SLX9: variants seen among roughly 807,000 people sequenced by gnomAD.
SLX9 encodes the protein ribosome biogenesis protein SLX9 homolog.
In SLX9, 19 loss-of-function variants were observed where a neutral mutation model predicts 20.8. That is an observed-to-expected ratio of 0.91 (90% CI 0.64 to 1.34). The LOEUF is 1.34. Ranked by LOEUF, SLX9 falls within the 40% of genes most tolerant of loss-of-function variation. The pLI, the probability that SLX9 is intolerant of heterozygous loss-of-function variation, is 0.00. For missense variants in SLX9, 299 were observed against 322.2 expected (o/e 0.93, Z 0.55); for synonymous variants, 113 against 137.1 (o/e 0.82, Z 1.23).
At chr21:44,976,290 G>A (rs995259093) in intron 5 of SLX9, among the ~76,000 whole-genome samples, 1 of 152,166 alleles carries the variant, frequency 6.6e-6, no homozygotes, top group Non-Finnish European at 1.5e-5. Flanking sequence ...CTCGGCTCTC[G>A]GCTCTCGGCT....
intron 1 of SLX9, among the ~76,000 whole-genome samples, chr21:44,941,380 G>T (rs57332482): frequency 0.022 from 3,411 of 151,936 alleles, 118 homozygotes; most frequent in African/African-American, 0.078. Flanking sequence ...TTTGTTTATT[G>T]ATCTGGAACT....
In SLX9 at chr21:44,962,707, G is replaced by A. The variant is rs1199627331; in HGVS notation, c.352+2539G>A. Among the ~76,000 whole-genome samples, 6 of 152,190 alleles carry A rather than the reference G, an allele frequency of 3.9e-5. No individual in the cohort carries two copies. The East Asian group carries it at 1.2e-3, about 29-fold the overall frequency. ...CTGAGGAATGGAATGCTGGGTCATAGGGTAGGTGTATGTTTAGTTTTATAA... is the reference window on the plus strand; with the variant it reads ...CTGAGGAATGGAATGCTGGGTCATAAGGTAGGTGTATGTTTAGTTTTATAA... On this transcript the variant is annotated intron_variant, in intron 3 of 5. Transcript: ENST00000291634.
Position 44,973,245 on chromosome 21 carries a change from A to G in SLX9, c.549A>G (p.Ala183=). Residue 183 remains alanine, a synonymous_variant, in exon 5 of 6, where the codon GCA becomes GCG. Coordinates refer to ENST00000291634, the MANE Select transcript of SLX9 (RefSeq NM_058190.4). ...PRPSELSRMS[A]AQRQQLLEEE... ...CCTCAGAGCTCAGCCGGATGAGCGC[A>G]GCCCAGAGACAGCAGCTTCTGTGAG... 1.2e-6 allele frequency: 2 copies of G among 1,612,590 alleles called. No individual in the cohort carries two copies. Among genetic ancestry groups the G allele is most frequent in the Non-Finnish European group, 1.7e-6 (2 of 1,179,744 alleles).
rs371091838 is a variant in SLX9 at position 44,943,777 on chromosome 21, A to G, written c.223A>G (p.Thr75Ala). The change falls in exon 2 of 6, where the codon ACT becomes GCT. Residue 75 changes from threonine to alanine, a missense_variant. Thr to Ala is a moderately conservative substitution (Grantham distance 58). Transcript: ENST00000291634. ...QKLELDVRSV[T>A]SVRRGEAGSS... ...GCTGGAGCTGGACGTGAGGAGTGTC[A>G]CTTCCGTCAGGAGAGGTGAGGCAGG... is the stretch of plus-strand genomic sequence containing the variant. 4.1e-5 allele frequency: 66 copies of G among 1,614,162 alleles called. No homozygotes were observed. The African/African-American group carries it at 8.4e-4, about 21-fold the overall frequency.
intron 4 of SLX9, among the ~76,000 whole-genome samples, chr21:44,967,675 C>T (rs2085063268): frequency 6.6e-6 from 1 of 152,210 alleles, no homozygotes; most frequent in South Asian, 2.1e-4. Flanking sequence ...CTGTCCTGCC[C>T]CTCACTCTGT....
intron 2 of SLX9, among the ~76,000 whole-genome samples, chr21:44,955,618 C>A (rs1248143805): frequency 1.3e-5 from 2 of 152,138 alleles, no homozygotes; most frequent in African/African-American, 4.8e-5. Context: ...TGGGCTCACG[C>A]AATCTTCCCT....
intron 2 of SLX9, among the ~76,000 whole-genome samples, chr21:44,959,745 G>A (rs1317674033): frequency 6.6e-6 from 1 of 152,228 alleles, no homozygotes; most frequent in Non-Finnish European, 1.5e-5. Context: ...CCCTTCATGA[G>A]CCGTCGGGCA....
chr21:44,970,118 C>T (rs576457575), intron 4 of SLX9, among the ~76,000 whole-genome samples: 25 of 152,292 alleles, frequency 1.6e-4, no homozygotes, highest in African/African-American at 5.3e-4. Flanking sequence ...CCATGCTGTC[C>T]GCTTTGGGAG....
intron 3 of SLX9, among the ~76,000 whole-genome samples, chr21:44,965,043 G>C (rs1336044250): frequency 2.0e-5 from 3 of 152,162 alleles, no homozygotes; most frequent in Non-Finnish European, 2.9e-5. Flanking sequence ...TTTATAATTT[G>C]CTTTAATATC....
intron 5 of SLX9, among the ~76,000 whole-genome samples, chr21:44,975,127 C>T (rs2085238930): frequency 6.6e-6 from 1 of 152,170 alleles, no homozygotes; most frequent in South Asian, 2.1e-4. Context: ...GTCCATGGTG[C>T]TTTCTGGCGC....
At chr21:44,946,315 G>A (rs1047964287) in intron 2 of SLX9, among the ~76,000 whole-genome samples, 6 of 152,116 alleles carry the variant, frequency 3.9e-5, no homozygotes, top group African/African-American at 9.7e-5. Flanking sequence ...GGACTGTAGC[G>A]TGGCCCGTTC....
At chr21:44,966,447 G>C (rs2085037204) in intron 3 of SLX9, among the ~76,000 whole-genome samples, 2 of 152,216 alleles carry the variant, frequency 1.3e-5, no homozygotes, top group African/African-American at 4.8e-5. Flanking sequence ...TCTCTTAGCA[G>C]TTTTGAGATA....
At chr21:44,956,007 G>A (rs1386175540) in intron 2 of SLX9, among the ~76,000 whole-genome samples, 2 of 152,254 alleles carry the variant, frequency 1.3e-5, no homozygotes, top group Admixed American at 6.5e-5. Flanking sequence ...CTGCTGATGC[G>A]GACGCCAGCC....
rs543751873 is a variant in SLX9 at position 44,950,691 on chromosome 21, A to G, written c.283+6854A>G. 2.6e-5 allele frequency among the ~76,000 whole-genome samples: 4 copies of G among 152,354 alleles called. No homozygotes were observed. The South Asian group carries it at 8.3e-4, about 32-fold the overall frequency. On this transcript the variant is annotated intron_variant, in intron 2 of 5. Transcript: ENST00000291634. ...CTCAGGCCCATGGTCACGCAGTCAC[A>G]TGGTGCCATGCTGAGGCATTTGACT... is the stretch of plus-strand genomic sequence containing the variant.
chr21:44,975,170 G>A (rs946016598), intron 5 of SLX9, among the ~76,000 whole-genome samples: 11 of 152,268 alleles, frequency 7.2e-5, no homozygotes, highest in Admixed American at 6.5e-4. Context: ...TGAGTGGCTT[G>A]GATCCTTCGA....
intron 1 of SLX9, 128 bp from the exon 2 acceptor site, chr21:44,943,545 CCCCCAGGTCCT>C: frequency 3.4e-6 from 4 of 1,191,844 alleles, no homozygotes; most frequent in Non-Finnish European, 4.7e-6. Flanking sequence ...AGGGTTGTTT[CCCCCAGGTCCT>C]CCCGGGCAGA....
intron 5 of SLX9, among the ~76,000 whole-genome samples, chr21:44,975,415 C>T (rs2085243115): frequency 6.6e-6 from 1 of 152,204 alleles, no homozygotes. Flanking sequence ...AGCATGGGAG[C>T]CACACAGTGC....
intron 1 of SLX9, among the ~76,000 whole-genome samples, chr21:44,940,600 C>G (rs1427792552): frequency 6.6e-6 from 1 of 152,164 alleles, no homozygotes; most frequent in African/African-American, 2.4e-5. Flanking sequence ...CCCCCTCAGC[C>G]CTAAGCAAGC....
chr21:44,946,863 G>A (rs1216364982), intron 2 of SLX9, among the ~76,000 whole-genome samples: 3 of 152,220 alleles, frequency 2.0e-5, no homozygotes, highest in Admixed American at 2.0e-4. Context: ...CGGAGGGACA[G>A]GCCTCCACTT....
Sources: allele counts gnomAD v4.1 joint callset (sites outside exome capture counted in the v4.1 genomes callset), GRCh38; gene constraint gnomAD v4.1.1; transcripts MANE v1.5; gene names NCBI Gene and HGNC (gene_info 2026-07-23, HGNC 2026-07-21).